The following MANBA variants were observed in gnomAD, a reference collection of about 807,000 sequenced individuals.
MANBA encodes the protein beta-mannosidase.
A neutral mutation model predicts 111.1 loss-of-function variants in MANBA; 83 were observed. That is an observed-to-expected ratio of 0.75 (90% confidence interval 0.63 to 0.90). The LOEUF (loss-of-function observed/expected upper bound fraction) is 0.90. Ranked by LOEUF, MANBA falls within the 40% of genes least tolerant of loss-of-function variation. The pLI is 0.00. For missense variants in MANBA, 1,036 were observed against 1,069.0 expected, an observed-to-expected ratio of 0.97 and a Z score of 0.43; for synonymous variants, 370 against 378.7, an observed-to-expected ratio of 0.98 and a Z score of 0.27.
intron 2 of MANBA, among the ~76,000 whole-genome samples, chr4:102,724,809 G>T (rs1384921504): frequency 1.3e-5 from 2 of 152,032 alleles, no homozygotes; most frequent in African/African-American, 4.8e-5. Context: ...CATAAGAAAA[G>T]ATTTCAAAAT....
At chr4:102,648,769 T>A (rs1472238198) in intron 13 of MANBA, among the ~76,000 whole-genome samples, 1 of 152,120 alleles carries the variant, frequency 6.6e-6, no homozygotes, top group Admixed American at 6.6e-5. Flanking sequence ...GCAAGGTGCA[T>A]GCCATAACAT....
At chr4:102,674,188 A>G in intron 7 of MANBA, 118 bp from the exon 8 acceptor site, 1 of 728,482 alleles carries the variant, frequency 1.4e-6, no homozygotes. Flanking sequence ...TAATTTTCCT[A>G]TTTACTATGA....
chr4:102,744,047 TCTC>T (rs2110207344), intron 1 of MANBA, among the ~76,000 whole-genome samples: 1 of 152,294 alleles, frequency 6.6e-6, no homozygotes, highest in East Asian at 1.9e-4. Flanking sequence ...TGCAGAACCT[TCTC>T]CTGTTCTGGA....
chr4:102,714,354 A>C, intron 5 of MANBA, 84 bp downstream of exon 5: 1 of 1,306,770 alleles, frequency 7.7e-7, no homozygotes, highest in Non-Finnish European at 1.1e-6. Flanking sequence ...TCTCTGAAAA[A>C]CATACCTCTG....
At chr4:102,697,995 T>G (rs1368864646) in intron 5 of MANBA, among the ~76,000 whole-genome samples, 1 of 151,968 alleles carries the variant, frequency 6.6e-6, no homozygotes, top group East Asian at 2.0e-4. Context: ...GTGTTCCTAT[T>G]TCTCCACAAC....
chr4:102,726,760 T>C, intron 1 of MANBA, 77 bp from the exon 2 acceptor site: 1 of 801,040 alleles, frequency 1.2e-6, no homozygotes, highest in Non-Finnish European at 2.2e-6. Context: ...ATAAAATAAA[T>C]TATTAACAAC....
rs1722638999 is a variant in MANBA at position 102,722,898 on chromosome 4, A to G, written c.522T>C (p.Gly174=). Residue 174 remains glycine (G), a synonymous_variant, in exon 4 of 17, where the codon GGT becomes GGC. Transcript: ENST00000647097. ...PPDCPPLVQK[G]ECHVNFVRKE... The stretch of plus-strand genomic sequence containing the variant: ...TCCGAACAAAGTTGACATGGCATTC[A>G]CCCTTCTGCACAAGTGGAGGGCAGT... 6.2e-7 allele frequency: 1 copy of G among 1,614,028 alleles called. No homozygotes were observed. Among genetic ancestry groups the G allele is most frequent in the Admixed American group, 1.7e-5 (1 of 59,990 alleles).
At chr4:102,726,504 AC>A (rs1188314078) in intron 2 of MANBA, 84 bp downstream of exon 2, 41 of 786,976 alleles carry the variant, frequency 5.2e-5, no homozygotes, top group Middle Eastern at 4.7e-4. Context: ...CAAAAAAAAA[AC>A]AAACAAAACA....
Position 102,717,382 on chromosome 4 carries a change from C to T in MANBA, c.550-2821G>A, listed in dbSNP as rs56870636. Among the ~76,000 whole-genome samples the T allele has an allele frequency of 8.9e-3, 1,338 of 149,744 alleles. 28 individuals are homozygous for T. The highest frequency in any genetic ancestry group is 0.031 in the African/African-American group (1,267 of 40,954). ...TTTCCTGAAAAAAAAAAAAAAGACC[C>T]TGAAGGGTGAGTACCGTTTATCCAC... On this transcript the variant is annotated intron_variant, in intron 4 of 16. Coordinates refer to ENST00000647097, the MANE Select transcript of MANBA (RefSeq NM_005908.4).
At chr4:102,632,596 C>A (rs543010417) in intron 16 of MANBA, among the ~76,000 whole-genome samples, 4 of 152,196 alleles carry the variant, frequency 2.6e-5, no homozygotes, top group African/African-American at 9.7e-5. Context: ...AAGAGAGCAA[C>A]ATTTTTACAT....
rs145367849 is a variant in MANBA, at chr4:102,674,070, C to A, written c.961G>T (p.Val321Phe). Residue 321 changes from valine to phenylalanine, a missense_variant and splice_region_variant, in exon 8 of 17, where the codon GTT (valine) becomes TTT (phenylalanine). Val to Phe is a conservative substitution (Grantham distance 50, BLOSUM62 -1). Transcript: ENST00000647097. ...ATAAGTTCCACTGTCCTAAAATAAA[C>A]CTGCAATGAACAGAATTAAATGATG... The part of the protein sequence containing the change: ...GGLNIEKSAK[V>F]YFRTVELIEE... 290 of 1,595,272 alleles carry A rather than the reference C, an allele frequency of 1.8e-4. 1 individual carries two copies. In the African/African-American group the frequency reaches 3.6e-3, roughly 20 times the overall value.
intron 5 of MANBA, among the ~76,000 whole-genome samples, chr4:102,700,899 A>G (rs1159847868): frequency 2.6e-5 from 4 of 152,234 alleles, no homozygotes; most frequent in African/African-American, 7.2e-5. Flanking sequence ...GCTGAGTTCA[A>G]TTCCTGGGTA....
intron 12 of MANBA, among the ~76,000 whole-genome samples, chr4:102,656,332 GA>G: frequency 6.7e-6 from 1 of 150,068 alleles, no homozygotes; most frequent in Non-Finnish European, 1.5e-5. Flanking sequence ...GTAAGCACGT[GA>G]AAAAAAAATG....
At chr4:102,640,271 AC>A (rs1729823131) in intron 13 of MANBA, among the ~76,000 whole-genome samples, 2 of 152,242 alleles carry the variant, frequency 1.3e-5, no homozygotes, top group African/African-American at 4.8e-5. Context: ...AAAAACTTTT[AC>A]TAGAAAAAAT....
chr4:102,634,848 G>A lies in MANBA; in HGVS notation c.2355C>T (p.Thr785=). 1 of 1,614,164 alleles carries A rather than the reference G, an allele frequency of 6.2e-7. No individual in the cohort carries two copies. The highest frequency in any genetic ancestry group is 8.5e-7 in the Non-Finnish European group (1 of 1,179,990). ...LSADHELLSP[T]NYHFLSSPKE... Reference sequence around the variant, plus strand: ...TCGGTGAGGACAAGAAGTGGTAGTTGGTCGGGCTCAGGAGTTCATGGTCAG... The same window carrying A: ...TCGGTGAGGACAAGAAGTGGTAGTTAGTCGGGCTCAGGAGTTCATGGTCAG... Residue 785 remains threonine (T), a synonymous_variant, in exon 16 of 17, where the codon ACC becomes ACT. Coordinates refer to ENST00000647097, the MANE Select transcript of MANBA (RefSeq NM_005908.4).
chr4:102,733,660 G>A lies in MANBA; in HGVS notation c.178-6977C>T, dbSNP rs150043416. On this transcript the variant is annotated intron_variant, in intron 1 of 16. Transcript: ENST00000647097. ...ACAGGCGTAAGCCACCACACTGGCCGGTTCTCTCTGCTTTTACCCTTTCTA... is the reference window on the plus strand; with the variant it reads ...ACAGGCGTAAGCCACCACACTGGCCAGTTCTCTCTGCTTTTACCCTTTCTA... Among the ~76,000 whole-genome samples, 715 of 152,220 alleles carry A rather than the reference G, an allele frequency of 4.7e-3. 5 individuals are homozygous for A. The highest frequency in any genetic ancestry group is 6.7e-3 in the Non-Finnish European group (454 of 67,996).
At chr4:102,719,251 G>T (rs1285314059) in intron 4 of MANBA, among the ~76,000 whole-genome samples, 8 of 152,164 alleles carry the variant, frequency 5.3e-5, no homozygotes, top group African/African-American at 1.9e-4. Context: ...AAAGAATTCA[G>T]CGATATTTCT....
intron 1 of MANBA, among the ~76,000 whole-genome samples, chr4:102,743,275 T>C (rs564429930): frequency 1.1e-3 from 174 of 152,314 alleles, no homozygotes; most frequent in African/African-American, 4.0e-3. Context: ...AGCCAAACCA[T>C]TGGCTACAGC....
At chr4:102,634,577 G>T (rs769800390) in intron 16 of MANBA, among the ~76,000 whole-genome samples, 1 of 152,184 alleles carries the variant, frequency 6.6e-6, no homozygotes, top group Non-Finnish European at 1.5e-5. Context: ...AACGAGTAGT[G>T]GTCACCAGCA....
Sources: gnomAD v4.1 joint callset for allele counts (sites outside exome capture counted in the v4.1 genomes callset) on GRCh38, gnomAD v4.1.1 for gene constraint, MANE v1.5 for transcripts, NCBI Gene and HGNC (gene_info 2026-07-23, HGNC 2026-07-21) for gene names.